Variants in ASB17 observed in about 807,000 individuals in gnomAD.
ASB17 encodes ankyrin repeat and SOCS box protein 17.
Under a neutral mutation model 25.7 loss-of-function variants are expected in ASB17, and 26 were observed. The ratio of observed to expected loss-of-function variants is 1.01; its 90% CI spans 0.74 to 1.40. The LOEUF (loss-of-function observed/expected upper bound fraction) is 1.40, where lower values mean the gene tolerates loss of function less well. Among genes scored for constraint, ASB17 ranks in the 40% most tolerant of loss-of-function variants. The pLI is 0.00. For synonymous variants in ASB17, 128 were observed against 121.4 expected (o/e 1.05, Z -0.36); for missense variants, 326 against 338.5 (o/e 0.96, Z 0.29).
intron 1 of ASB17, among the ~76,000 whole-genome samples, chr1:75,929,382 G>T (rs374004591): frequency 7.5e-6 from 1 of 132,884 alleles, no homozygotes; most frequent in Non-Finnish European, 1.6e-5. Context: ...CCGCCACTGC[G>T]CCCAGCTAAT....
chr1:75,923,792 G>C (rs1653094022), intron 1 of ASB17, among the ~76,000 whole-genome samples: 1 of 152,166 alleles, frequency 6.6e-6, no homozygotes, highest in Admixed American at 6.5e-5. Flanking sequence ...TGAATTGGCT[G>C]TGTGATTTTG....
intron 1 of ASB17, among the ~76,000 whole-genome samples, chr1:75,923,271 G>T (rs1653078035): frequency 6.6e-6 from 1 of 152,128 alleles, no homozygotes; most frequent in Non-Finnish European, 1.5e-5. Context: ...CTCAAGGGCA[G>T]AATTTTTCTT....
chr1:75,922,038 C>CA, intron 2 of ASB17, 42 bp downstream of exon 2: 2 of 1,485,354 alleles, frequency 1.3e-6, no homozygotes, highest in Non-Finnish European at 1.8e-6. Context: ...TCTTAAGATT[C>CA]ACTAATATTT....
chr1:75,925,508 T>A (rs1273286279), intron 1 of ASB17, among the ~76,000 whole-genome samples: 1 of 152,162 alleles, frequency 6.6e-6, no homozygotes, highest in Non-Finnish European at 1.5e-5. Flanking sequence ...AAAAGTCTAA[T>A]CTGTACCCAA....
intron 2 of ASB17, among the ~76,000 whole-genome samples, chr1:75,920,713 C>A (rs1157752021): frequency 6.6e-6 from 1 of 152,160 alleles, no homozygotes; most frequent in African/African-American, 2.4e-5. Flanking sequence ...AATTTTTTGC[C>A]ACTTAGGCAG....
intron 1 of ASB17, among the ~76,000 whole-genome samples, chr1:75,929,495 A>G (rs1038064427): frequency 1.3e-5 from 2 of 152,088 alleles, no homozygotes; most frequent in African/African-American, 2.4e-5. Context: ...CTGGGATTAC[A>G]GGCGTGAGCC....
chr1:75,931,770 A>C, intron 1 of ASB17, 121 bp downstream of exon 1: 1 of 786,078 alleles, frequency 1.3e-6, no homozygotes, highest in Non-Finnish European at 1.9e-6. Flanking sequence ...TCAAGCAATT[A>C]GGTGAGAATT....
chr1:75,932,197 A>G lies in ASB17; in HGVS notation c.95T>C (p.Leu32Pro). The G allele has an allele frequency of 6.2e-7, 1 of 1,614,118 alleles. No homozygotes were observed. The highest frequency in any genetic ancestry group is 1.1e-5 in the South Asian group (1 of 91,064). Residue 32 changes from leucine to proline, a missense_variant, in exon 1 of 3, where the codon CTA (leucine) becomes CCA (proline). By Grantham distance (98) the Leu-to-Pro change is moderately conservative. Coordinates refer to ENST00000284142, the MANE Select transcript of ASB17 (RefSeq NM_080868.3). ...LLDKIVKRPS[L>P]QFLGQWGYHC... ...ATATCCCCACTGACCCAAAAACTGT[A>G]GGGAGGGTCTTTTAACAATTTTGTC... is the stretch of plus-strand genomic sequence containing the variant.
intron 1 of ASB17, among the ~76,000 whole-genome samples, chr1:75,923,430 T>C (rs1407631239): frequency 6.6e-6 from 1 of 152,196 alleles, no homozygotes; most frequent in Non-Finnish European, 1.5e-5. Context: ...TTTCATTTAA[T>C]AGACTTTTAT....
rs985447599 is a variant in ASB17 at position 75,918,987 on chromosome 1, C to T, written c.853G>A (p.Ala285Thr). The change falls in exon 3 of 3, where the codon GCT (alanine) becomes ACT (threonine). Residue 285 changes from alanine (A) to threonine (T), a missense_variant. Coordinates refer to ENST00000284142, the MANE Select transcript of ASB17 (RefSeq NM_080868.3). ...PDGIFSLLIP[A>T]RLQNYLNLEI ...AAATTCAGATAGTTTTGTAGACGAG[C>T]AGGAATTAGAAGTGAAAATATTCCA... 2 of 1,612,758 alleles carry T rather than the reference C, an allele frequency of 1.2e-6. No individual in the cohort carries two copies. Among genetic ancestry groups the T allele is most frequent in the African/African-American group, 2.7e-5 (2 of 74,882 alleles).
intron 1 of ASB17, among the ~76,000 whole-genome samples, chr1:75,923,580 G>A (rs569313309): frequency 8.5e-5 from 13 of 152,184 alleles, no homozygotes; most frequent in African/African-American, 3.1e-4. Context: ...TTTGTCTGTG[G>A]AATTCTCTTG....
chr1:75,921,715 G>A (rs1350798885), intron 2 of ASB17, among the ~76,000 whole-genome samples: 1 of 152,104 alleles, frequency 6.6e-6, no homozygotes, highest in South Asian at 2.1e-4. Context: ...TATTTGTGGG[G>A]AGAAATGTAA....
chr1:75,929,624 C>G (rs1054927944), intron 1 of ASB17, among the ~76,000 whole-genome samples: 32 of 152,132 alleles, frequency 2.1e-4, no homozygotes, highest in Middle Eastern at 3.4e-3. Context: ...TGATATGAGC[C>G]ATTTTGTATT....
Position 75,919,238 on chromosome 1 carries a change from T to G in ASB17, c.682-80A>C, listed in dbSNP as rs1164164401. ...CAAATTATTAAAACTTATTTTTAAT[T>G]TAAATTTAGAAAATAGACCATAAAT... On this transcript the variant is annotated intron_variant, in intron 2 of 2. Transcript: ENST00000284142. The G allele has an allele frequency of 4.0e-6, 4 of 1,009,988 alleles. No individual in the cohort carries two copies. In the Admixed American group the frequency reaches 9.0e-5, roughly 23 times the overall value. 62.6% of individuals were successfully genotyped at this position (1,009,988 alleles called of 1,614,324 possible).
intron 1 of ASB17, among the ~76,000 whole-genome samples, chr1:75,929,326 G>A (rs149626992): frequency 0.053 from 8,094 of 151,786 alleles, 366 homozygotes; most frequent in African/African-American, 0.12. Context: ...CCGGGTTCAC[G>A]CCATTCTCCT....
intron 1 of ASB17, 60 bp downstream of exon 1, chr1:75,931,831 A>C: frequency 6.9e-7 from 1 of 1,450,462 alleles, no homozygotes; most frequent in Non-Finnish European, 9.2e-7. Flanking sequence ...AAAAAGAAGC[A>C]CTCTACTCTC....
At chr1:75,927,584 C>T (rs1181694900) in intron 1 of ASB17, among the ~76,000 whole-genome samples, 1 of 152,156 alleles carries the variant, frequency 6.6e-6, no homozygotes, top group Non-Finnish European at 1.5e-5. Flanking sequence ...TATAAATACA[C>T]ATGTAAACTA....
At chr1:75,919,182 C>A (rs1399923812) in intron 2 of ASB17, 24 bp from the exon 3 acceptor site, 1 of 1,544,894 alleles carries the variant, frequency 6.5e-7, no homozygotes, top group Admixed American at 1.7e-5. Flanking sequence ...AAATATTTTA[C>A]TTTTGTAATG....
chr1:75,922,647 C>T (rs1396325231), intron 1 of ASB17, among the ~76,000 whole-genome samples: 6 of 151,810 alleles, frequency 4.0e-5, no homozygotes, highest in Admixed American at 3.9e-4. Context: ...CAGGCATGTG[C>T]CACCACACCT....
Sources: allele counts gnomAD v4.1 joint callset (sites outside exome capture counted in the v4.1 genomes callset), GRCh38; gene constraint gnomAD v4.1.1; transcripts MANE v1.5; gene names NCBI Gene and HGNC (gene_info 2026-07-23, HGNC 2026-07-21).